FHOD3: variants seen among roughly 807,000 people sequenced by gnomAD.
FHOD3 encodes FH1/FH2 domain-containing protein 3.
A neutral mutation model predicts 173.0 loss-of-function variants in FHOD3; 90 were observed. The observed-to-expected ratio is 0.52, with a 90% confidence interval of 0.44 to 0.62. The LOEUF is 0.62. FHOD3 is among the 20% of genes least tolerant of loss of function. FHOD3 has a pLI of 0.00. For synonymous variants in FHOD3, 828 were observed against 823.0 expected, an observed-to-expected ratio of 1.01 and a Z score of -0.10; for missense variants, 1,945 against 2,034.7, an observed-to-expected ratio of 0.96 and a Z score of 0.85.
At chr18:36,379,365 G>T (rs755035057) in intron 3 of FHOD3, among the ~76,000 whole-genome samples, 2 of 152,146 alleles carry the variant, frequency 1.3e-5, no homozygotes, top group Admixed American at 6.5e-5. Flanking sequence ...TTTGTATTTG[G>T]CCTTTTCCCC....
At chr18:36,450,439 GTTTGTTTATTTATTTATTTATTTATTTA>G (rs2051767790) in intron 3 of FHOD3, among the ~76,000 whole-genome samples, 1 of 91,088 alleles carries the variant, frequency 1.1e-5, no homozygotes, top group Non-Finnish European at 2.5e-5. Context: ...TTTACGACCA[GTTTGTTTATTTATTTATTTATTTATTTA>G]TTTATTTATT....
intron 10 of FHOD3, among the ~76,000 whole-genome samples, chr18:36,635,688 T>C (rs754629689): frequency 4.6e-5 from 7 of 152,206 alleles, no homozygotes; most frequent in Non-Finnish European, 1.0e-4. Flanking sequence ...AGCTCCTGGA[T>C]GTATCTATGG....
Position 36,474,921 on chromosome 18 carries a change from A to G in FHOD3, c.338-27011A>G, listed in dbSNP as rs1234011179. Among the ~76,000 whole-genome samples, 7 of 150,426 alleles carry G rather than the reference A, an allele frequency of 4.7e-5. No individual in the cohort carries two copies. In the East Asian group the frequency reaches 1.4e-3, roughly 30 times the overall value. ...GTCAAAGCTGCCTGGGGTACAGGTG[A>G]CTTTTCGCTAGTTTTGGGCTCAGCT... On this transcript the variant is annotated intron_variant, in intron 3 of 28. Transcript: ENST00000590592.
chr18:36,759,827 G>T (rs1389902025), intron 26 of FHOD3, among the ~76,000 whole-genome samples: 1 of 152,256 alleles, frequency 6.6e-6, no homozygotes, highest in African/African-American at 2.4e-5. Flanking sequence ...AGTCTGTGGA[G>T]GTGTTCTTTG....
rs113959462 is a variant in FHOD3, at chr18:36,603,032, C to T, written c.813+264C>T. Among the ~76,000 whole-genome samples, 61 of 149,680 alleles carry T rather than the reference C, an allele frequency of 4.1e-4. 1 individual carries two copies. The South Asian group carries it at 6.4e-3, about 16-fold the overall frequency. On this transcript the variant is annotated intron_variant, in intron 8 of 28. Coordinates refer to ENST00000590592, the MANE Select transcript of FHOD3 (RefSeq NM_001281740.3). ...AATAATGCATCTACAAGCCAGGGAA[C>T]GCCACAGATTGTTGGCTGCCAATTG...
intron 3 of FHOD3, among the ~76,000 whole-genome samples, chr18:36,395,805 A>T (rs1156782366): frequency 3.3e-5 from 5 of 152,236 alleles, no homozygotes; most frequent in African/African-American, 7.2e-5. Flanking sequence ...ATTAGCACAT[A>T]CTGGGTTTGC....
intron 3 of FHOD3, among the ~76,000 whole-genome samples, chr18:36,459,665 A>AT (rs202176548): frequency 4.0e-5 from 6 of 151,504 alleles, no homozygotes; most frequent in East Asian, 1.9e-4. Flanking sequence ...GAGCATTTTG[A>AT]TTTTTTTTTC....
chr18:36,538,623 C>T (rs771538454), intron 5 of FHOD3, among the ~76,000 whole-genome samples: 62 of 152,196 alleles, frequency 4.1e-4, no homozygotes, highest in Non-Finnish European at 5.3e-4. Flanking sequence ...CTATGGAATA[C>T]AACTCAGCAA....
chr18:36,565,894 C>G (rs2058246353), intron 5 of FHOD3, among the ~76,000 whole-genome samples: 1 of 152,100 alleles, frequency 6.6e-6, no homozygotes, highest in South Asian at 2.1e-4. Context: ...AGCCTTGTCT[C>G]ATACATAAAA....
intron 24 of FHOD3, among the ~76,000 whole-genome samples, chr18:36,750,106 G>A (rs573937098): frequency 4.1e-4 from 63 of 152,148 alleles, no homozygotes; most frequent in African/African-American, 1.5e-3. Flanking sequence ...TGGCTAACAC[G>A]GTGAAACCCT....
At chr18:36,525,464 G>A (rs531145455) in intron 5 of FHOD3, among the ~76,000 whole-genome samples, 2 of 152,256 alleles carry the variant, frequency 1.3e-5, no homozygotes, top group Admixed American at 1.3e-4. Flanking sequence ...ACCCAGTCGG[G>A]CCATGCCTGG....
chr18:36,549,532 C>CTTTTTTTTTT (rs386387404), intron 5 of FHOD3, among the ~76,000 whole-genome samples: 16 of 71,234 alleles, frequency 2.2e-4, no homozygotes, highest in East Asian at 4.6e-4. Flanking sequence ...TCTAAGAAAT[C>CTTTTTTTTTT]TTTTTTTTTT....
At chr18:36,687,059 G>T in intron 15 of FHOD3, 69 bp from the exon 16 acceptor site, 1 of 1,145,858 alleles carries the variant, frequency 8.7e-7, no homozygotes, top group South Asian at 1.4e-5. Flanking sequence ...ATAATTTATT[G>T]GTAATTTTCT....
At chr18:36,360,381 A>G (rs1402714840) in intron 2 of FHOD3, among the ~76,000 whole-genome samples, 2 of 152,182 alleles carry the variant, frequency 1.3e-5, no homozygotes, top group Non-Finnish European at 2.9e-5. Context: ...GGCCTGTGCC[A>G]CAGGGTTGGC....
intron 27 of FHOD3, 110 bp from the exon 28 acceptor site, chr18:36,769,155 C>T: frequency 1.5e-6 from 2 of 1,303,812 alleles, no homozygotes; most frequent in Admixed American, 2.0e-5. Flanking sequence ...CTCTGGCCTT[C>T]CCTGTGATCT....
At chr18:36,465,245 T>A (rs1335041026) in intron 3 of FHOD3, among the ~76,000 whole-genome samples, 1 of 152,150 alleles carries the variant, frequency 6.6e-6, no homozygotes, top group Non-Finnish European at 1.5e-5. Context: ...GGAGAATTGC[T>A]TGAACTCGGG....
chr18:36,543,095 G>A (rs1440315933), intron 5 of FHOD3, among the ~76,000 whole-genome samples: 3 of 152,066 alleles, frequency 2.0e-5, no homozygotes, highest in Non-Finnish European at 2.9e-5. Flanking sequence ...TGCAACAATG[G>A]GTCCTTCCTG....
chr18:36,371,610 T>C (rs1256204599), intron 2 of FHOD3, among the ~76,000 whole-genome samples: 1 of 152,226 alleles, frequency 6.6e-6, no homozygotes, highest in Admixed American at 6.5e-5. Flanking sequence ...CAACAAACCA[T>C]TGTTTAAACC....
intron 23 of FHOD3, among the ~76,000 whole-genome samples, chr18:36,746,068 A>G (rs1447205762): frequency 6.6e-6 from 1 of 152,020 alleles, no homozygotes; most frequent in Non-Finnish European, 1.5e-5. Context: ...TTCATGACTA[A>G]AAATCTCTCT....
Sources: allele counts gnomAD v4.1 joint callset (sites outside exome capture counted in the v4.1 genomes callset), GRCh38; gene constraint gnomAD v4.1.1; transcripts MANE v1.5; gene names NCBI Gene and HGNC (gene_info 2026-07-23, HGNC 2026-07-21).